Variants in KIAA0319L observed in about 807,000 individuals in gnomAD.
KIAA0319L encodes KIAA0319 like, also known as dyslexia-associated protein KIAA0319-like protein.
Under a neutral mutation model 120.1 loss-of-function variants are expected in KIAA0319L, and 55 were observed. The observed-to-expected ratio is 0.46, with a 90% CI of 0.37 to 0.57. KIAA0319L has a LOEUF of 0.57. Among genes scored for constraint, KIAA0319L ranks in the 20% least tolerant of loss-of-function variants. The probability of loss-of-function intolerance (pLI) is 0.00; values close to 1 mark genes in which losing one functional copy is unlikely to be tolerated. For missense variants in KIAA0319L, 1,049 were observed against 1,255.3 expected, an observed-to-expected ratio of 0.84 and a Z score of 2.48; for synonymous variants, 398 against 471.9, an observed-to-expected ratio of 0.84 and a Z score of 2.03.
At chr1:35,496,956 A>G (rs1360367994) in intron 3 of KIAA0319L, among the ~76,000 whole-genome samples, 1 of 151,318 alleles carries the variant, frequency 6.6e-6, no homozygotes, top group African/African-American at 2.4e-5. Context: ...CCAAAAAAAA[A>G]AAAAAAAAAA....
At chr1:35,470,703 C>T (rs1643569684) in intron 6 of KIAA0319L, among the ~76,000 whole-genome samples, 160 bp downstream of exon 6, 1 of 152,134 alleles carries the variant, frequency 6.6e-6, no homozygotes, top group Admixed American at 6.5e-5. Flanking sequence ...GAGAATCATA[C>T]ACTAACAAAT....
chr1:35,451,575 T>C (rs576513586), intron 13 of KIAA0319L, 53 bp downstream of exon 13: 2 of 1,554,774 alleles, frequency 1.3e-6, no homozygotes, highest in East Asian at 4.5e-5. Flanking sequence ...GGATAAATTC[T>C]TCAGCTATCT....
At chr1:35,521,817 C>CA (rs1337158834) in intron 2 of KIAA0319L, among the ~76,000 whole-genome samples, 3 of 151,256 alleles carry the variant, frequency 2.0e-5, no homozygotes, top group Non-Finnish European at 4.4e-5. Context: ...CTAAAAAATA[C>CA]AAAAAATTAG....
At chr1:35,502,220 A>C (rs1645033520) in intron 3 of KIAA0319L, among the ~76,000 whole-genome samples, 1 of 151,280 alleles carries the variant, frequency 6.6e-6, no homozygotes, top group African/African-American at 2.4e-5. Context: ...GGTTGCAGTG[A>C]GCCAAGATCG....
At chr1:35,487,186 T>A (rs1644421626) in intron 3 of KIAA0319L, among the ~76,000 whole-genome samples, 1 of 152,122 alleles carries the variant, frequency 6.6e-6, no homozygotes, top group South Asian at 2.1e-4. Flanking sequence ...ACAAATAACC[T>A]CCCTGGACTG....
chr1:35,526,892 T>C (rs1042754900), intron 2 of KIAA0319L, among the ~76,000 whole-genome samples: 4 of 151,990 alleles, frequency 2.6e-5, no homozygotes, highest in Non-Finnish European at 4.4e-5. Flanking sequence ...GCCTGGGCAA[T>C]ATAGCAAGAT....
chr1:35,449,825 G>T (rs775273441), intron 15 of KIAA0319L, 42 bp downstream of exon 15: 6 of 1,608,728 alleles, frequency 3.7e-6, no homozygotes, highest in Middle Eastern at 1.9e-4. Context: ...TTGATTGGCT[G>T]ATTCAGCAAT....
chr1:35,466,758 G>C, intron 6 of KIAA0319L, 63 bp from the exon 7 acceptor site: 1 of 1,158,708 alleles, frequency 8.6e-7, no homozygotes, highest in East Asian at 2.4e-5. Flanking sequence ...TTTAAAATAA[G>C]ATATATCTGA....
chr1:35,489,311 A>C (rs1644504970), intron 3 of KIAA0319L, among the ~76,000 whole-genome samples: 1 of 152,208 alleles, frequency 6.6e-6, no homozygotes, highest in Non-Finnish European at 1.5e-5. Flanking sequence ...TAAAAACCAG[A>C]CCAAATATAT....
In KIAA0319L at chr1:35,521,588, G is replaced by C. The variant is rs1380074173; in HGVS notation, c.143-14453C>G. Among the ~76,000 whole-genome samples the C allele has an allele frequency of 1.5e-4, 21 of 140,518 alleles. No homozygotes were observed. In the East Asian group the frequency reaches 1.6e-3, roughly 10 times the overall value. The allele number at this position is 140,518 out of a possible 152,430, so 92.2% of individuals were successfully genotyped here. A position where few individuals can be genotyped will look rare whatever the true frequency, so the allele number is the denominator to read the frequency against. On this transcript the variant is annotated intron_variant, in intron 2 of 20. Coordinates refer to ENST00000325722, the MANE Select transcript of KIAA0319L (RefSeq NM_024874.5). The stretch of plus-strand genomic sequence containing the variant: ...GGCGGAGCTTGCAATGAGCCAAGAT[G>C]GCGCCACTGCACTCCAGCCTGGGTG...
chr1:35,529,315 T>C (rs1369899884), intron 2 of KIAA0319L, among the ~76,000 whole-genome samples: 2 of 152,246 alleles, frequency 1.3e-5, no homozygotes, highest in East Asian at 3.8e-4. Context: ...TATTTTCATA[T>C]CTTTTGTTCC....
At chr1:35,474,344 T>G (rs1452054627) in intron 5 of KIAA0319L, among the ~76,000 whole-genome samples, 1 of 152,202 alleles carries the variant, frequency 6.6e-6, no homozygotes, top group Non-Finnish European at 1.5e-5. Flanking sequence ...GGGATAATAA[T>G]TCCTACCTCA....
chr1:35,480,038 T>A lies in KIAA0319L; in HGVS notation c.667-826A>T, dbSNP rs531764793. 5.0e-4 allele frequency among the ~76,000 whole-genome samples: 76 copies of A among 151,814 alleles called. 1 individual carries two copies. In the South Asian group the frequency reaches 0.015, roughly 31 times the overall value. ...AAAGAGTATGGAAAAGAATGATTTT[T>A]TTATTATTATTATTAAAGAAAAAGG... On this transcript the variant is annotated intron_variant, in intron 3 of 20. Transcript: ENST00000325722.
rs370252187 is a variant in KIAA0319L, at chr1:35,465,449, C to A, written c.1201+1159G>T. 5.9e-5 allele frequency among the ~76,000 whole-genome samples: 9 copies of A among 152,274 alleles called. 1 individual carries two copies. The highest frequency in any genetic ancestry group is 2.6e-4 in the Admixed American group (4 of 15,308). On this transcript the variant is annotated intron_variant, in intron 7 of 20. Coordinates refer to ENST00000325722, the MANE Select transcript of KIAA0319L (RefSeq NM_024874.5). ...TTTGGCCAAATTCTCCCATTTGGAA[C>A]GGCTATATTTATCCAAGCCTGTACC...
At chr1:35,515,331 A>G (rs1205671925) in intron 2 of KIAA0319L, among the ~76,000 whole-genome samples, 1 of 149,018 alleles carries the variant, frequency 6.7e-6, no homozygotes, top group African/African-American at 2.5e-5. Context: ...AAAAAAAAGA[A>G]CCAAAATTGT....
chr1:35,547,333 T>C (rs974915281), intron 2 of KIAA0319L, among the ~76,000 whole-genome samples: 30 of 150,092 alleles, frequency 2.0e-4, no homozygotes, highest in African/African-American at 3.4e-4. Context: ...TATATATATA[T>C]ACACATGATC....
intron 2 of KIAA0319L, chr1:35,511,124 T>C (rs1645425263): frequency 6.6e-6 from 1 of 152,578 alleles, no homozygotes; most frequent in Non-Finnish European, 1.5e-5. Context: ...CTTTTTCAGG[T>C]ATAGAAAGAT....
chr1:35,553,166 G>C (rs1451481735), intron 2 of KIAA0319L, among the ~76,000 whole-genome samples: 1 of 151,726 alleles, frequency 6.6e-6, no homozygotes, highest in Non-Finnish European at 1.5e-5. Flanking sequence ...AGGAGTTTGA[G>C]GCTGCAGGCA....
intron 7 of KIAA0319L, among the ~76,000 whole-genome samples, chr1:35,463,801 C>A (rs1643065302): frequency 6.6e-6 from 1 of 152,202 alleles, no homozygotes; most frequent in South Asian, 2.1e-4. Context: ...CAATTCCCAC[C>A]TCATGGGAGG....
Sources: allele counts gnomAD v4.1 joint callset (sites outside exome capture counted in the v4.1 genomes callset), GRCh38; gene constraint gnomAD v4.1.1; transcripts MANE v1.5; gene names NCBI Gene and HGNC (gene_info 2026-07-23, HGNC 2026-07-21).